Variants in NKAIN2 observed in about 807,000 individuals in gnomAD.
NKAIN2 encodes sodium/potassium-transporting ATPase subunit beta-1-interacting protein 2.
In NKAIN2, 14 loss-of-function variants were observed where a neutral mutation model predicts 32.6. The observed-to-expected ratio is 0.43, with a 90% CI of 0.28 to 0.67. The LOEUF (loss-of-function observed/expected upper bound fraction) is 0.67. NKAIN2 is among the 30% of genes least tolerant of loss of function. The probability of loss-of-function intolerance (pLI) is 0.17; values close to 1 mark genes in which losing one functional copy is unlikely to be tolerated. For synonymous variants in NKAIN2, 80 were observed against 87.2 expected (o/e 0.92, Z 0.46); for missense variants, 198 against 258.3 (o/e 0.77, Z 1.60).
chr6:123,909,118 C>T (rs910063186), intron 1 of NKAIN2, among the ~76,000 whole-genome samples: 3 of 152,180 alleles, frequency 2.0e-5, no homozygotes, highest in East Asian at 1.9e-4. Flanking sequence ...AATCTCACTA[C>T]CCTGATTCTC....
At chr6:123,913,503 C>T (rs1240071651) in intron 1 of NKAIN2, among the ~76,000 whole-genome samples, 1 of 152,130 alleles carries the variant, frequency 6.6e-6, no homozygotes, top group Non-Finnish European at 1.5e-5. Flanking sequence ...AATAATCAGA[C>T]CCTTCTTACT....
chr6:124,482,989 G>T (rs925809384), intron 3 of NKAIN2, among the ~76,000 whole-genome samples: 6 of 152,154 alleles, frequency 3.9e-5, no homozygotes, highest in Admixed American at 1.3e-4. Context: ...GGGCGTGGTG[G>T]TGGGCGCCTG....
chr6:124,504,175 G>A (rs751571011), intron 3 of NKAIN2, among the ~76,000 whole-genome samples: 7 of 152,042 alleles, frequency 4.6e-5, no homozygotes, highest in Non-Finnish European at 1.5e-5. Flanking sequence ...CACCAGTATA[G>A]CAGTCACTAC....
intron 3 of NKAIN2, among the ~76,000 whole-genome samples, chr6:124,462,569 T>G (rs1202334040): frequency 6.6e-6 from 1 of 152,042 alleles, no homozygotes; most frequent in East Asian, 1.9e-4. Context: ...GGTAATGCCA[T>G]TTTTATATAT....
intron 4 of NKAIN2, among the ~76,000 whole-genome samples, chr6:124,676,240 TA>T (rs1208348912): frequency 2.6e-5 from 4 of 152,134 alleles, no homozygotes; most frequent in Non-Finnish European, 4.4e-5. Context: ...TTTTGTGACC[TA>T]ACATGTGATT....
At chr6:124,629,913 C>CTT (rs1455304759) in intron 3 of NKAIN2, among the ~76,000 whole-genome samples, 1 of 151,994 alleles carries the variant, frequency 6.6e-6, no homozygotes, top group Non-Finnish European at 1.5e-5. Flanking sequence ...TATATTTAGA[C>CTT]TTTAGGTTCT....
chr6:123,839,102 G>A (rs892837938), intron 1 of NKAIN2, among the ~76,000 whole-genome samples: 2 of 152,102 alleles, frequency 1.3e-5, no homozygotes, highest in African/African-American at 4.8e-5. Flanking sequence ...GGGGGAGAGG[G>A]ACTCTGTGTG....
chr6:124,455,677 A>C (rs965599515), intron 3 of NKAIN2, among the ~76,000 whole-genome samples: 3 of 151,902 alleles, frequency 2.0e-5, no homozygotes, highest in African/African-American at 7.2e-5. Flanking sequence ...AATAAGAGAA[A>C]AGGTAACATT....
chr6:124,560,845 G>A (rs1460231760), intron 3 of NKAIN2, among the ~76,000 whole-genome samples: 2 of 152,124 alleles, frequency 1.3e-5, no homozygotes, highest in Non-Finnish European at 2.9e-5. Flanking sequence ...ATGACCAAGA[G>A]TGAGTTTATC....
chr6:123,970,319 C>G (rs1454261117), intron 1 of NKAIN2, among the ~76,000 whole-genome samples: 1 of 151,932 alleles, frequency 6.6e-6, no homozygotes, highest in Non-Finnish European at 1.5e-5. Flanking sequence ...AGAAAAACAA[C>G]TAGAAGAAAT....
intron 3 of NKAIN2, among the ~76,000 whole-genome samples, chr6:124,505,330 C>T (rs568662075): frequency 6.6e-6 from 1 of 152,302 alleles, no homozygotes; most frequent in Admixed American, 6.5e-5. Context: ...GCATTTGGCC[C>T]TCTTCAATCT....
chr6:124,433,699 C>T (rs1775313211), intron 3 of NKAIN2, among the ~76,000 whole-genome samples: 1 of 152,018 alleles, frequency 6.6e-6, no homozygotes, highest in Non-Finnish European at 1.5e-5. Context: ...TGAATCGGCA[C>T]TATTATTCTA....
At chr6:124,219,058 T>A (rs994054004) in intron 1 of NKAIN2, among the ~76,000 whole-genome samples, 10 of 151,862 alleles carry the variant, frequency 6.6e-5, no homozygotes, top group African/African-American at 2.4e-4. Context: ...CATGATGCAA[T>A]CACCTCCCTC....
At chr6:124,488,481 A>G (rs962811434) in intron 3 of NKAIN2, among the ~76,000 whole-genome samples, 9 of 152,070 alleles carry the variant, frequency 5.9e-5, no homozygotes, top group Non-Finnish European at 1.2e-4. Flanking sequence ...AAGCAAAGCT[A>G]TGTTTGAGAT....
chr6:124,154,706 G>A lies in NKAIN2; in HGVS notation c.55-128299G>A, dbSNP rs927291497. The stretch of plus-strand genomic sequence containing the variant: ...ACTGACAAATGTTTCTTGAGTATAC[G>A]GAGCACCACTGAATTGTGTTCTTCT... On this transcript the variant is annotated intron_variant, in intron 1 of 6. Coordinates refer to ENST00000368417, the MANE Select transcript of NKAIN2 (RefSeq NM_001040214.3). Among the ~76,000 whole-genome samples, 84 of 151,848 alleles carry A rather than the reference G, an allele frequency of 5.5e-4. 1 individual carries two copies. Among genetic ancestry groups the A allele is most frequent in the African/African-American group, 2.0e-3 (83 of 41,404 alleles).
At chr6:123,969,601 A>T (rs977250136) in intron 1 of NKAIN2, among the ~76,000 whole-genome samples, 4 of 152,180 alleles carry the variant, frequency 2.6e-5, no homozygotes, top group African/African-American at 9.6e-5. Flanking sequence ...TTCAAATAGC[A>T]TGCCTATTTT....
At chr6:124,779,498 T>C (rs193274225) in intron 4 of NKAIN2, among the ~76,000 whole-genome samples, 38 of 152,308 alleles carry the variant, frequency 2.5e-4, no homozygotes, top group African/African-American at 9.1e-4. Flanking sequence ...CTTGAGAGCC[T>C]AATGTCCTTT....
intron 3 of NKAIN2, among the ~76,000 whole-genome samples, chr6:124,529,017 TA>T (rs1327036453): frequency 6.6e-6 from 1 of 152,232 alleles, no homozygotes; most frequent in African/African-American, 2.4e-5. Context: ...CCCTCTATAC[TA>T]AAACATGTGG....
chr6:124,599,490 G>A lies in NKAIN2; in HGVS notation c.274-58696G>A, dbSNP rs75478862. On this transcript the variant is annotated intron_variant, in intron 3 of 6. Transcript: ENST00000368417. ...ATCACCTGCTGAAAAAGAGCACACCGTGCTGAAGCTCCAAATAGAAGGTAC... is the reference window on the plus strand; with the variant it reads ...ATCACCTGCTGAAAAAGAGCACACCATGCTGAAGCTCCAAATAGAAGGTAC... 7.5e-3 allele frequency among the ~76,000 whole-genome samples: 1,138 copies of A among 152,180 alleles called. 24 individuals are homozygous for A. Among genetic ancestry groups the A allele is most frequent in the African/African-American group, 0.025 (1,056 of 41,534 alleles).
Sources: allele counts gnomAD v4.1 joint callset (sites outside exome capture counted in the v4.1 genomes callset), GRCh38; gene constraint gnomAD v4.1.1; transcripts MANE v1.5; gene names NCBI Gene and HGNC (gene_info 2026-07-23, HGNC 2026-07-21).